DNAH10: variants seen among roughly 807,000 people sequenced by gnomAD.
The protein encoded by DNAH10 is dynein axonemal heavy chain 10.
Under a neutral mutation model 506.6 loss-of-function variants are expected in DNAH10, and 348 were observed. The ratio of observed to expected loss-of-function variants is 0.69; its 90% CI spans 0.63 to 0.75. The LOEUF is 0.75. DNAH10 is among the 30% of genes least tolerant of loss of function. The probability of loss-of-function intolerance (pLI) is 0.00; values close to 1 mark genes in which losing one functional copy is unlikely to be tolerated. For missense variants in DNAH10, 5,179 were observed against 5,787.1 expected, an observed-to-expected ratio of 0.89 and a Z score of 3.41; for synonymous variants, 2,059 against 2,198.6, an observed-to-expected ratio of 0.94 and a Z score of 1.78.
In DNAH10 at chr12:123,784,076, C is replaced by T. The variant is rs1297771722; in HGVS notation, c.1129C>T (p.Leu377Phe). Reference sequence around the variant, plus strand: ...TGTGATCAAGGAATCCGACTCCATGCTTGTGGCTAATCTGCAGCCAGTGTT... The same window carrying T: ...TGTGATCAAGGAATCCGACTCCATGTTTGTGGCTAATCTGCAGCCAGTGTT... ...LDVIKESDSMLVANLQPVFTE... is the reference protein window; with the variant it reads ...LDVIKESDSMFVANLQPVFTE... Residue 377 changes from leucine to phenylalanine, a missense_variant, in exon 8 of 79, where the codon CTT becomes TTT. Physicochemically the swap from Leu to Phe is conservative, Grantham distance 22. Coordinates refer to ENST00000673944, the MANE Select transcript of DNAH10 (RefSeq NM_001372106.1). 3 of 1,614,100 alleles carry T rather than the reference C, an allele frequency of 1.9e-6. No homozygotes were observed. Among genetic ancestry groups the T allele is most frequent in the African/African-American group, 2.7e-5 (2 of 74,930 alleles).
In DNAH10 at chr12:123,926,333, C is replaced by A; in HGVS notation, c.11922-304C>A. 2.7e-6 allele frequency: 1 copy of A among 364,612 alleles called. No individual in the cohort carries two copies. The highest frequency in any genetic ancestry group is 4.8e-6 in the Non-Finnish European group (1 of 207,024). 22.6% of individuals were successfully genotyped at this position (364,612 alleles called of 1,614,324 possible). A position where few individuals can be genotyped will look rare whatever the true frequency, so the allele number is the denominator to read the frequency against. ...ACCATTCAGGACACGCCTGTGGAAC[C>A]TCAGGGTTTTGTGCCATGGGCAGGC... On this transcript the variant is annotated intron_variant, in intron 68 of 78. Transcript: ENST00000673944. The surrounding 1 kb of genome is among the most constrained non-coding windows in gnomAD (Gnocchi z 4.1).
intron 12 of DNAH10, among the ~76,000 whole-genome samples, 182 bp downstream of exon 12, chr12:123,794,294 A>T (rs1330247109): frequency 1.3e-5 from 2 of 152,228 alleles, no homozygotes; most frequent in Non-Finnish European, 2.9e-5. Context: ...TAGTGGAGAA[A>T]TTCAATAAGA....
chr12:123,933,698 C>A (rs551532958), intron 77 of DNAH10, among the ~76,000 whole-genome samples, 187 bp downstream of exon 77: 42 of 152,294 alleles, frequency 2.8e-4, no homozygotes, highest in South Asian at 8.3e-4. Context: ...AGGGTGGATA[C>A]GGAAGTTTCT....
At chr12:123,781,714 C>G (rs186627715) in intron 6 of DNAH10, among the ~76,000 whole-genome samples, 1 of 152,292 alleles carries the variant, frequency 6.6e-6, no homozygotes, top group East Asian at 1.9e-4. Flanking sequence ...GATCCACCTA[C>G]CTTGGCCTCT....
chr12:123,929,500 TCTC>T lies in DNAH10; in HGVS notation c.12516+19_12516+21del. On this transcript the variant is annotated intron_variant, in intron 71 of 78. Coordinates refer to ENST00000673944, the MANE Select transcript of DNAH10 (RefSeq NM_001372106.1). ...TGACTTCCAGGTGACAGTGGCTGCT[TCTC>T]CTTGGAAATGGCTTCCTTAGGCGGC... 1 of 1,609,708 alleles carries T rather than the reference TCTC, an allele frequency of 6.2e-7. No individual in the cohort carries two copies. Among genetic ancestry groups the T allele is most frequent in the South Asian group, 1.1e-5 (1 of 89,896 alleles).
intron 5 of DNAH10, among the ~76,000 whole-genome samples, chr12:123,776,691 G>A (rs1351054970): frequency 1.3e-5 from 2 of 151,698 alleles, no homozygotes; most frequent in Non-Finnish European, 2.9e-5. Context: ...GATGTATAAT[G>A]TTAAGCACAG....
intron 49 of DNAH10, 99 bp downstream of exon 49, chr12:123,879,456 A>T: frequency 6.8e-7 from 1 of 1,465,654 alleles, no homozygotes; most frequent in Non-Finnish European, 9.2e-7. Context: ...GTGGAAAAAT[A>T]GGCACGAAAG....
At position 123,931,968 on chromosome 12, in the gene DNAH10, A is replaced by C. The variant is rs1215737387; in HGVS notation, c.13156A>C (p.Asn4386His). The C allele has an allele frequency of 6.2e-7, 1 of 1,614,064 alleles. No homozygotes were observed. The highest frequency in any genetic ancestry group is 8.5e-7 in the Non-Finnish European group (1 of 1,179,902). ...RALAGEVGMS[N>H]ELDDVARSLF... Reference sequence around the variant, plus strand: ...CTTGGCTGGAGAAGTTGGAATGAGCAATGAGTTAGATGATGTGGCCAGGTC... The same window carrying C: ...CTTGGCTGGAGAAGTTGGAATGAGCCATGAGTTAGATGATGTGGCCAGGTC... Residue 4386 changes from asparagine to histidine, a missense_variant, in exon 76 of 79, where the codon AAT (asparagine) becomes CAT (histidine). Physicochemically the swap from Asn to His is moderately conservative, Grantham distance 68 (BLOSUM62 1). Transcript: ENST00000673944.
intron 29 of DNAH10, among the ~76,000 whole-genome samples, chr12:123,841,029 C>T (rs1017329991): frequency 2.6e-5 from 4 of 152,234 alleles, no homozygotes; most frequent in Non-Finnish European, 4.4e-5. Flanking sequence ...TCCACTGGCT[C>T]CTATGTCCAG....
Position 123,762,703 on chromosome 12 carries a change from G to A in DNAH10, c.214+153G>A, listed in dbSNP as rs1451753921. Among the ~76,000 whole-genome samples the A allele has an allele frequency of 1.3e-5, 2 of 152,154 alleles. No homozygotes were observed. Among genetic ancestry groups the A allele is most frequent in the Non-Finnish European group, 2.9e-5 (2 of 68,040 alleles). ...CTGCCGCCCGCCACGTGCAGGCCCC[G>A]GGCGAACCCAGCAATCACAGCCGTC... On this transcript the variant is annotated intron_variant, in intron 1 of 78. Coordinates refer to ENST00000673944, the MANE Select transcript of DNAH10 (RefSeq NM_001372106.1). This position sits in a 1 kb window ranked among gnomAD's most constrained non-coding sequence, Gnocchi z 5.0.
rs115749477 is a variant in DNAH10, at chr12:123,818,906, C to T, written c.3781-44C>T. The T allele has an allele frequency of 2.2e-3, 2,941 of 1,332,578 alleles. 41 individuals are homozygous for T. In the African/African-American group the frequency reaches 0.033, roughly 15 times the overall value. The allele number at this position is 1,332,578 out of a possible 1,614,324, so 82.5% of individuals were successfully genotyped here. A position where few individuals can be genotyped will look rare whatever the true frequency, so the allele number is the denominator to read the frequency against. On this transcript the variant is annotated intron_variant, in intron 21 of 78. Coordinates refer to ENST00000673944, the MANE Select transcript of DNAH10 (RefSeq NM_001372106.1). ...GACCATCAATTTCAATTCCAAATTGCTCATCATTTGTTGTTTATTCTGTTT... is the reference window on the plus strand; with the variant it reads ...GACCATCAATTTCAATTCCAAATTGTTCATCATTTGTTGTTTATTCTGTTT...
At chr12:123,770,429 T>G (rs1350697026) in intron 2 of DNAH10, among the ~76,000 whole-genome samples, 1 of 151,736 alleles carries the variant, frequency 6.6e-6, no homozygotes, top group Non-Finnish European at 1.5e-5. Flanking sequence ...CTAATGCTGT[T>G]AGGGAATTAG....
rs1271806030 is a variant in DNAH10 at position 123,903,762 on chromosome 12, T to G, written c.9815+649T>G. On this transcript the variant is annotated intron_variant, in intron 57 of 78. Transcript: ENST00000673944. The surrounding 1 kb of genome is among the most constrained non-coding windows in gnomAD (Gnocchi z 4.6). ...GGCTCTGATGGTCAGTTGAGTCTTG[T>G]GAGTAAAGCCCTGGGAGGGAACACT... Among the ~76,000 whole-genome samples the G allele has an allele frequency of 3.3e-5, 5 of 152,180 alleles. No homozygotes were observed. Among genetic ancestry groups the G allele is most frequent in the African/African-American group, 9.7e-5 (4 of 41,440 alleles).
chr12:123,828,047 A>G (rs1472405780), intron 25 of DNAH10, among the ~76,000 whole-genome samples: 4 of 152,114 alleles, frequency 2.6e-5, no homozygotes, highest in African/African-American at 7.2e-5. Flanking sequence ...AGTATCATCT[A>G]TGCTGTCATG....
At chr12:123,790,160 C>A (rs754744634) in intron 11 of DNAH10, 39 bp downstream of exon 11, 1 of 1,583,122 alleles carries the variant, frequency 6.3e-7, no homozygotes, top group Non-Finnish European at 8.6e-7. Flanking sequence ...TGGGAGTCGA[C>A]ACCATGTTTT....
At chr12:123,840,264 A>G (rs1251615953) in intron 29 of DNAH10, among the ~76,000 whole-genome samples, 1 of 152,150 alleles carries the variant, frequency 6.6e-6, no homozygotes. Context: ...CAGAGCACTT[A>G]GGAACGAGTG....
rs754900725 is a variant in DNAH10, at chr12:123,909,287, T to C, written c.9842T>C (p.Val3281Ala). The stretch of plus-strand genomic sequence containing the variant: ...TCGTTTGCTAAGCCCCCGAAGCAGG[T>C]GCAGACGGTCTGCGAATGCATCCTC... ...IRSFAKPPKQ[V>A]QTVCECILIM... The change falls in exon 58 of 79, where the codon GTG (valine) becomes GCG (alanine). Residue 3281 changes from valine to alanine, a missense_variant. Val to Ala is a moderately conservative substitution (Grantham distance 64). Transcript: ENST00000673944. This position sits in a 1 kb window ranked among gnomAD's most constrained non-coding sequence, Gnocchi z 5.4. 2 of 1,613,432 alleles carry C rather than the reference T, an allele frequency of 1.2e-6. No homozygotes were observed. Among genetic ancestry groups the C allele is most frequent in the East Asian group, 2.2e-5 (1 of 44,874 alleles).
chr12:123,918,239 C>T (rs1954572271), intron 64 of DNAH10, among the ~76,000 whole-genome samples: 1 of 152,236 alleles, frequency 6.6e-6, no homozygotes, highest in South Asian at 2.1e-4. Flanking sequence ...TCTGGCCTCA[C>T]GTCCTCTCGG....
chr12:123,772,166 G>C (rs1957276622), intron 3 of DNAH10, among the ~76,000 whole-genome samples: 1 of 152,178 alleles, frequency 6.6e-6, no homozygotes, highest in Admixed American at 6.5e-5. Flanking sequence ...GCTGACCTTA[G>C]TTACTCAGCT....
Sources: allele counts gnomAD v4.1 joint callset (sites outside exome capture counted in the v4.1 genomes callset), GRCh38; gene constraint gnomAD v4.1.1; non-coding constraint Gnocchi (gnomAD v3.1); transcripts MANE v1.5; gene names NCBI Gene and HGNC (gene_info 2026-07-23, HGNC 2026-07-21).